The following GRM4 variants were observed in gnomAD, a reference collection of about 807,000 sequenced individuals.
GRM4 encodes the protein glutamate metabotropic receptor 4.
Under a neutral mutation model 81.7 loss-of-function variants are expected in GRM4, and 28 were observed. The ratio of observed to expected loss-of-function variants is 0.34; its 90% CI spans 0.25 to 0.47. GRM4 has a LOEUF of 0.47. GRM4 is among the 20% of genes least tolerant of loss of function. The probability of loss-of-function intolerance (pLI) is 1.00; values close to 1 mark genes in which losing one functional copy is unlikely to be tolerated. For missense variants in GRM4, 948 were observed against 1,290.0 expected (o/e 0.73, Z 4.06); for synonymous variants, 488 against 528.8 (o/e 0.92, Z 1.06).
chr6:34,138,670 G>A (rs1770560929), intron 1 of GRM4, among the ~76,000 whole-genome samples: 1 of 152,226 alleles, frequency 6.6e-6, no homozygotes, highest in Non-Finnish European at 1.5e-5. Flanking sequence ...CCTGCCAGCT[G>A]CACTGTGCGA....
At chr6:34,065,192 C>A (rs779727362) in intron 3 of GRM4, among the ~76,000 whole-genome samples, 28 of 152,254 alleles carry the variant, frequency 1.8e-4, no homozygotes, top group Non-Finnish European at 4.4e-5. Flanking sequence ...CCACCATCAC[C>A]ACAGCCCACC....
At chr6:34,151,299 CTCTT>C (rs1771039827) in intron 1 of GRM4, among the ~76,000 whole-genome samples, 1 of 152,192 alleles carries the variant, frequency 6.6e-6, no homozygotes, top group African/African-American at 2.4e-5. Flanking sequence ...CCTAGAAAGA[CTCTT>C]TCTCCTCCTC....
intron 10 of GRM4, among the ~76,000 whole-genome samples, chr6:34,025,055 C>A (rs1218172751): frequency 6.6e-6 from 1 of 152,148 alleles, no homozygotes; most frequent in Non-Finnish European, 1.5e-5. Context: ...AGGGCGGGAG[C>A]CGAGATTCTA....
chr6:34,076,259 G>A lies in GRM4; in HGVS notation c.737-14231C>T, dbSNP rs1387709. Among the ~76,000 whole-genome samples, 12 of 152,256 alleles carry A rather than the reference G, an allele frequency of 7.9e-5. No homozygotes were observed. The East Asian group carries it at 1.2e-3, about 15-fold the overall frequency. ...ATGTCTCCCTGCCAGAGGCAGGCTC[G>A]ATGCCCCCTCCCACCCACCCCACCG... On this transcript the variant is annotated intron_variant, in intron 3 of 10. Transcript: ENST00000538487.
Position 34,047,012 on chromosome 6 carries a change from G to A in GRM4, c.1169-6264C>T, listed in dbSNP as rs1487641216. On this transcript the variant is annotated intron_variant, in intron 6 of 10. Coordinates refer to ENST00000538487, the MANE Select transcript of GRM4 (RefSeq NM_000841.4). This position sits in a 1 kb window ranked among gnomAD's most constrained non-coding sequence, Gnocchi z 4.5. The stretch of plus-strand genomic sequence containing the variant: ...CAAACACACATGGCTCTGACTCTTG[G>A]CTGGGCCATGGCCCAGCTATACACT... Among the ~76,000 whole-genome samples the A allele has an allele frequency of 6.6e-6, 1 of 152,098 alleles. No individual in the cohort carries two copies. Among genetic ancestry groups the A allele is most frequent in the African/African-American group, 2.4e-5 (1 of 41,390 alleles).
intron 6 of GRM4, among the ~76,000 whole-genome samples, chr6:34,052,551 C>T (rs960646526): frequency 1.3e-5 from 2 of 152,198 alleles, no homozygotes; most frequent in African/African-American, 4.8e-5. Flanking sequence ...CTCCGTGAGA[C>T]CTTGAGCAGG....
rs1770206091 is a variant in GRM4 at position 34,130,889 on chromosome 6, A to C, written c.519+2089T>G. ...GTTTAATTACAACTCAGATAAAGAG[A>C]ATACAGCAGCCTCCCTTGTGGGGTG... On this transcript the variant is annotated intron_variant, in intron 2 of 10. Transcript: ENST00000538487. This position sits in a 1 kb window ranked among gnomAD's most constrained non-coding sequence, Gnocchi z 4.1. Among the ~76,000 whole-genome samples, 1 of 152,218 alleles carries C rather than the reference A, an allele frequency of 6.6e-6. No individual in the cohort carries two copies. The highest frequency in any genetic ancestry group is 2.1e-4 in the South Asian group (1 of 4,830).
upstream of GRM4, among the ~76,000 whole-genome samples, chr6:34,148,012 C>T (rs527291523): frequency 6.6e-6 from 1 of 151,800 alleles, no homozygotes; most frequent in South Asian, 2.1e-4. Context: ...CCCCCTGCCC[C>T]TCAGTGTTGC....
At chr6:34,075,485 T>A (rs1490864228) in intron 3 of GRM4, among the ~76,000 whole-genome samples, 1 of 152,078 alleles carries the variant, frequency 6.6e-6, no homozygotes, top group African/African-American at 2.4e-5. Flanking sequence ...CTCTGCCTCT[T>A]CCCCCATGAA....
chr6:34,129,691 C>G (rs1770160822), intron 2 of GRM4, among the ~76,000 whole-genome samples: 1 of 152,172 alleles, frequency 6.6e-6, no homozygotes, highest in African/African-American at 2.4e-5. Context: ...GGCAGTCTCC[C>G]AGGAGTCAGG....
At position 34,022,974 on chromosome 6, in the gene GRM4, C is replaced by G. The variant is rs561548638; in HGVS notation, c.2690-104G>C. 1.6e-5 allele frequency: 14 copies of G among 891,198 alleles called. No homozygotes were observed. Among genetic ancestry groups the G allele is most frequent in the South Asian group, 1.5e-4 (11 of 74,966 alleles). 55.2% of individuals were successfully genotyped at this position (891,198 alleles called of 1,614,324 possible). On this transcript the variant is annotated intron_variant, in intron 10 of 10. Transcript: ENST00000538487. The surrounding 1 kb of genome is among the most constrained non-coding windows in gnomAD (Gnocchi z 5.6). Reference sequence around the variant, plus strand: ...TGCACAAGAACCTACCATAGCTCCCCGCCTCTCATGGCATCCAGTCCTGAG... The same window carrying G: ...TGCACAAGAACCTACCATAGCTCCCGGCCTCTCATGGCATCCAGTCCTGAG...
chr6:34,105,693 G>A (rs1200220073), intron 2 of GRM4, among the ~76,000 whole-genome samples: 1 of 152,108 alleles, frequency 6.6e-6, no homozygotes, highest in African/African-American at 2.4e-5. Context: ...ATGCACCCCT[G>A]AACTCCAGGC....
Position 34,066,600 on chromosome 6 carries a change from T to C in GRM4, c.737-4572A>G, listed in dbSNP as rs9469700. Among the ~76,000 whole-genome samples, 878 of 152,082 alleles carry C rather than the reference T, an allele frequency of 5.8e-3. 7 individuals are homozygous for C. The highest frequency in any genetic ancestry group is 0.019 in the African/African-American group (789 of 41,492). ...GCCTAGAACACTGCCTGGCCCATAG[T>C]AGGTGCTCTCAAGTGTTCGCTGAGT... On this transcript the variant is annotated intron_variant, in intron 3 of 10. Transcript: ENST00000538487.
rs2451362 is a variant in GRM4 at position 34,062,104 on chromosome 6, C to T, written c.737-76G>A. 433 of 1,481,854 alleles carry T rather than the reference C, an allele frequency of 2.9e-4. 3 individuals are homozygous for T. In the African/African-American group the frequency reaches 4.6e-3, roughly 16 times the overall value. 91.8% of individuals were successfully genotyped at this position (1,481,854 alleles called of 1,614,324 possible). A position where few individuals can be genotyped will look rare whatever the true frequency, so the allele number is the denominator to read the frequency against. The stretch of plus-strand genomic sequence containing the variant: ...CCCACCACTCTCCCAACATACACTC[C>T]GGGAGATGGGGGCTGGGTGCTGCCC... On this transcript the variant is annotated intron_variant, in intron 3 of 10. Coordinates refer to ENST00000538487, the MANE Select transcript of GRM4 (RefSeq NM_000841.4).
At chr6:34,073,250 AT>A (rs1767103199) in intron 3 of GRM4, among the ~76,000 whole-genome samples, 2 of 73,748 alleles carry the variant, frequency 2.7e-5, no homozygotes, top group Non-Finnish European at 2.6e-5. Context: ...ACACACACAC[AT>A]CACCACATAG....
rs1581592973 is a variant in GRM4 at position 34,035,233 on chromosome 6, T to G, written c.2442+435A>C. ...CCAGGCTTATGGAGGGGGGAAGGGG[T>G]GAGAGAATAGGAGGAGGAAAGAATG... On this transcript the variant is annotated intron_variant, in intron 9 of 10. Coordinates refer to ENST00000538487, the MANE Select transcript of GRM4 (RefSeq NM_000841.4). The surrounding 1 kb of genome is among the most constrained non-coding windows in gnomAD (Gnocchi z 6.6). 1.5e-5 allele frequency among the ~76,000 whole-genome samples: 2 copies of G among 130,030 alleles called. No homozygotes were observed. Among genetic ancestry groups the G allele is most frequent in the Admixed American group, 8.6e-5 (1 of 11,642 alleles). 85.3% of individuals were successfully genotyped at this position (130,030 alleles called of 152,430 possible).
chr6:34,025,828 C>T (rs544237968), intron 10 of GRM4, among the ~76,000 whole-genome samples: 19 of 152,294 alleles, frequency 1.2e-4, no homozygotes, highest in Admixed American at 2.0e-4. Flanking sequence ...ATAAACACCA[C>T]GTGGGGTCAG....
intron 3 of GRM4, among the ~76,000 whole-genome samples, chr6:34,073,098 C>CCACA (rs1355497990): frequency 2.4e-4 from 1 of 4,244 alleles, no homozygotes. Context: ...CAGATACACA[C>CCACA]CACACACACA....
chr6:34,127,689 G>A (rs1212889678), intron 2 of GRM4, among the ~76,000 whole-genome samples: 1 of 152,120 alleles, frequency 6.6e-6, no homozygotes, highest in Non-Finnish European at 1.5e-5. Flanking sequence ...GGGGATGGAG[G>A]CCGTGAGGAG....
Sources: gnomAD v4.1 joint callset for allele counts (sites outside exome capture counted in the v4.1 genomes callset) on GRCh38, gnomAD v4.1.1 for gene constraint, Gnocchi (gnomAD v3.1) non-coding constraint, MANE v1.5 for transcripts, NCBI Gene and HGNC (gene_info 2026-07-23, HGNC 2026-07-21) for gene names.